The following GLIS3 variants were observed in gnomAD, a reference collection of about 807,000 sequenced individuals.
The protein encoded by GLIS3 is zinc finger protein GLIS3.
A neutral mutation model predicts 78.6 loss-of-function variants in GLIS3; 53 were observed. That is an observed-to-expected ratio of 0.67 (90% CI 0.54 to 0.85). The LOEUF is 0.85. Ranked by LOEUF, GLIS3 falls within the 40% of genes least tolerant of loss-of-function variation. The pLI, the probability that GLIS3 is intolerant of heterozygous loss-of-function variation, is 0.00. For missense variants in GLIS3, 1,703 were observed against 1,231.1 expected (o/e 1.38, Z -5.74); for synonymous variants, 684 against 509.9 (o/e 1.34, Z -4.60).
chr9:4,041,375 T>C (rs1023602761), intron 4 of GLIS3, among the ~76,000 whole-genome samples: 1 of 152,216 alleles, frequency 6.6e-6, no homozygotes, highest in Non-Finnish European at 1.5e-5. Flanking sequence ...CCCAGTGTCA[T>C]TAATGCTGCT....
the GLIS3 span, among the ~76,000 whole-genome samples, chr9:4,438,362 A>G: frequency 2.0e-5 from 3 of 152,210 alleles, no homozygotes; most frequent in Admixed American, 2.0e-4. Context: ...AGTTTATACT[A>G]ATTAAAAGCA....
chr9:4,472,412 G>C, the GLIS3 span, among the ~76,000 whole-genome samples: 1 of 152,170 alleles, frequency 6.6e-6, no homozygotes, highest in Non-Finnish European at 1.5e-5. Context: ...ATACATCATG[G>C]AATACTATGC....
At chr9:4,112,771 T>C (rs137931046) in intron 4 of GLIS3, among the ~76,000 whole-genome samples, 132 of 152,304 alleles carry the variant, frequency 8.7e-4, no homozygotes, top group African/African-American at 3.0e-3. Flanking sequence ...TATATCCTTA[T>C]AGTTATGAAA....
intron 2 of GLIS3, among the ~76,000 whole-genome samples, chr9:4,317,264 A>C (rs1817449931): frequency 6.6e-6 from 1 of 152,256 alleles, no homozygotes. Flanking sequence ...AGCTGCCATC[A>C]TCAATCCTTA....
At chr9:4,416,064 C>T in the GLIS3 span, among the ~76,000 whole-genome samples, 1 of 150,366 alleles carries the variant, frequency 6.7e-6, no homozygotes, top group East Asian at 1.9e-4. Context: ...CTTTGCAGAG[C>T]ACAGGATCTA....
Position 4,345,967 on chromosome 9 carries a change from A to G in GLIS3, n.264+1114T>C, listed in dbSNP as rs150115407. Reference sequence around the variant, plus strand: ...GAATATTCAATATTCAAAAAGAACAAATAAAATACAGTTCGAGTGGGAGAT... The same window carrying G: ...GAATATTCAATATTCAAAAAGAACAGATAAAATACAGTTCGAGTGGGAGAT... On this transcript the variant is annotated intron_variant and non_coding_transcript_variant, in intron 2 of 4. Transcript: ENST00000471664. Among the ~76,000 whole-genome samples, 967 of 152,354 alleles carry G rather than the reference A, an allele frequency of 6.3e-3. 10 individuals are homozygous for G. The highest frequency in any genetic ancestry group is 0.01 in the Non-Finnish European group (690 of 68,032).
chr9:4,021,296 T>C (rs1205017634), intron 4 of GLIS3, among the ~76,000 whole-genome samples: 1 of 152,214 alleles, frequency 6.6e-6, no homozygotes, highest in Non-Finnish European at 1.5e-5. Flanking sequence ...TAATTCATAT[T>C]CATTTTTAAA....
chr9:4,125,879 C>A lies in GLIS3; in HGVS notation c.451G>T (p.Val151Phe), dbSNP rs1161898289. 1.9e-6 allele frequency: 3 copies of A among 1,613,820 alleles called. No individual in the cohort carries two copies. The African/African-American group carries it at 4.0e-5, about 22-fold the overall frequency. Residue 151 changes from valine (V) to phenylalanine (F), a missense_variant, in exon 3 of 11, where the codon GTC (valine) becomes TTC (phenylalanine). Transcript: ENST00000381971. Reference sequence around the variant, plus strand: ...TGAACCATCATGGGACTGCTGGTGACCACTAGATTGTTGCAGCTGCCTTTT... The same window carrying A: ...TGAACCATCATGGGACTGCTGGTGAACACTAGATTGTTGCAGCTGCCTTTT... The part of the protein sequence containing the change: ...IGKGSCNNLV[V>F]TSSPMMVQRL...
At chr9:4,188,740 G>C (rs1022869388) in intron 2 of GLIS3, among the ~76,000 whole-genome samples, 7 of 152,214 alleles carry the variant, frequency 4.6e-5, no homozygotes, top group South Asian at 2.1e-4. Context: ...TGTATGTGTC[G>C]AGGAATGTAT....
At chr9:3,878,126 C>T (rs950065485) in intron 8 of GLIS3, among the ~76,000 whole-genome samples, 3 of 152,042 alleles carry the variant, frequency 2.0e-5, no homozygotes, top group Non-Finnish European at 4.4e-5. Flanking sequence ...GGATGCTGTG[C>T]CCCCACTGAG....
At chr9:4,176,411 GAA>G (rs1382963733) in intron 2 of GLIS3, among the ~76,000 whole-genome samples, 2 of 152,108 alleles carry the variant, frequency 1.3e-5, no homozygotes, top group Non-Finnish European at 1.5e-5. Flanking sequence ...AATTTTGCAT[GAA>G]GTTCTGTTCA....
At chr9:4,123,708 A>G (rs1235823885) in intron 3 of GLIS3, 10 of 396,694 alleles carry the variant, frequency 2.5e-5, no homozygotes, top group Non-Finnish European at 4.0e-5. Flanking sequence ...GTGGAAAGGA[A>G]AGCCTATGTT....
At chr9:4,412,246 T>C in the GLIS3 span, among the ~76,000 whole-genome samples, 2 of 152,186 alleles carry the variant, frequency 1.3e-5, no homozygotes, top group African/African-American at 4.8e-5. Context: ...TGAAATTAAG[T>C]TGCGAGAGGT....
intron 4 of GLIS3, among the ~76,000 whole-genome samples, chr9:4,047,523 C>T: frequency 6.7e-6 from 1 of 149,166 alleles, no homozygotes; most frequent in Non-Finnish European, 1.5e-5. Flanking sequence ...TAAATCCACA[C>T]CTTGTGACCT....
the GLIS3 span, among the ~76,000 whole-genome samples, chr9:4,372,027 G>T: frequency 5.3e-5 from 8 of 152,134 alleles, 1 homozygote; most frequent in South Asian, 1.7e-3. Flanking sequence ...TCTGGTCTTG[G>T]GTCTTGCCCC....
intron 8 of GLIS3, among the ~76,000 whole-genome samples, chr9:3,869,123 C>T (rs1473664110): frequency 2.0e-5 from 3 of 152,150 alleles, no homozygotes; most frequent in Non-Finnish European, 4.4e-5. Context: ...TATATAAACA[C>T]CAGCGAAAGA....
the GLIS3 span, among the ~76,000 whole-genome samples, chr9:4,454,153 A>T: frequency 0.3 from 40,172 of 134,908 alleles, 6,339 homozygotes; most frequent in Middle Eastern, 0.43. Context: ...ATGATGATAA[A>T]AAAAAAAAAA....
In GLIS3 at chr9:4,298,468, T is replaced by G. The variant is rs555206764; in HGVS notation, c.-99+953A>C. 8.9e-6 allele frequency: 4 copies of G among 449,116 alleles called. No individual in the cohort carries two copies. In the East Asian group the frequency reaches 3.0e-4, roughly 34 times the overall value. 27.8% of individuals were successfully genotyped at this position (449,116 alleles called of 1,614,324 possible). On this transcript the variant is annotated intron_variant, in intron 1 of 10. Coordinates refer to ENST00000381971, the MANE Select transcript of GLIS3 (RefSeq NM_001042413.2). Reference sequence around the variant, plus strand: ...GTGACTTCCCGGTCCCCGAGGTGACTTGTCAGCTCCAGTGAGTAACTTGGA... The same window carrying G: ...GTGACTTCCCGGTCCCCGAGGTGACGTGTCAGCTCCAGTGAGTAACTTGGA...
intron 4 of GLIS3, among the ~76,000 whole-genome samples, chr9:3,990,622 C>T (rs1384397688): frequency 1.3e-5 from 2 of 152,120 alleles, no homozygotes; most frequent in Non-Finnish European, 2.9e-5. Flanking sequence ...GTGTGAATCC[C>T]TACTTCTTAA....
Sources: allele counts gnomAD v4.1 joint callset (sites outside exome capture counted in the v4.1 genomes callset), GRCh38; gene constraint gnomAD v4.1.1; transcripts MANE v1.5; gene names NCBI Gene and HGNC (gene_info 2026-07-23, HGNC 2026-07-21).